DNAAF5: variants seen among roughly 807,000 people sequenced by gnomAD.
The protein encoded by DNAAF5 is HEAT repeat containing 2.
Under a neutral mutation model 75.8 loss-of-function variants are expected in DNAAF5, and 64 were observed. The observed-to-expected ratio is 0.84, with a 90% confidence interval of 0.69 to 1.04. The LOEUF (loss-of-function observed/expected upper bound fraction) is 1.04, where lower values mean the gene tolerates loss of function less well. DNAAF5 is among the 50% of genes least tolerant of loss of function. The pLI, the probability that DNAAF5 is intolerant of heterozygous loss-of-function variation, is 0.00. For missense variants in DNAAF5, 1,269 were observed against 1,178.5 expected (o/e 1.08, Z -1.12); for synonymous variants, 657 against 557.2 (o/e 1.18, Z -2.52).
intron 1 of DNAAF5, among the ~76,000 whole-genome samples, chr7:729,099 C>T (rs905226723): frequency 1.3e-5 from 2 of 150,184 alleles, no homozygotes; most frequent in African/African-American, 2.5e-5. Flanking sequence ...TGAGTTCAAG[C>T]GATTCTCCTG....
At chr7:762,003 A>AGGCCTCAAACATGTCTGACCG in intron 7 of DNAAF5, 107 bp downstream of exon 7, 1 of 62,372 alleles carries the variant, frequency 1.6e-5, no homozygotes, top group Non-Finnish European at 2.4e-5. Flanking sequence ...GTGCTTGACC[A>AGGCCTCAAACATGTCTGACCG]GCAAAGACCA....
chr7:746,549 C>G (rs1782117351), intron 4 of DNAAF5, among the ~76,000 whole-genome samples: 1 of 148,694 alleles, frequency 6.7e-6, no homozygotes, highest in Non-Finnish European at 1.5e-5. Flanking sequence ...TCCCTTTCCC[C>G]CGCCCGCCGT....
At position 741,335 on chromosome 7, in the gene DNAAF5, G is replaced by C. The variant is rs777824708; in HGVS notation, c.906-12G>C. ...TGCCCTGAGCCACTGTTGTCTGTCT[G>C]TTGTGCCTCAGGCAGCTGGCTGCCA... On this transcript the variant is annotated splice_polypyrimidine_tract_variant and intron_variant, in intron 3 of 12. Coordinates refer to ENST00000297440, the MANE Select transcript of DNAAF5 (RefSeq NM_017802.4). The C allele has an allele frequency of 6.3e-7, 1 of 1,580,964 alleles. No individual in the cohort carries two copies. The highest frequency in any genetic ancestry group is 1.3e-5 in the African/African-American group (1 of 74,620).
intron 1 of DNAAF5, 88 bp from the exon 2 acceptor site, chr7:729,575 A>T: frequency 7.8e-7 from 1 of 1,287,934 alleles, no homozygotes; most frequent in Non-Finnish European, 1.1e-6. Context: ...AGGAACTCAT[A>T]GGCAGGCAGC....
intron 1 of DNAAF5, among the ~76,000 whole-genome samples, chr7:728,105 A>G (rs1342347277): frequency 6.6e-6 from 1 of 152,080 alleles, no homozygotes; most frequent in Non-Finnish European, 1.5e-5. Flanking sequence ...CCTCCACTTT[A>G]TAACGTTCCC....
intron 11 of DNAAF5, among the ~76,000 whole-genome samples, chr7:777,218 C>T (rs1269693718): frequency 1.3e-5 from 2 of 152,130 alleles, no homozygotes; most frequent in African/African-American, 4.8e-5. Flanking sequence ...ACCATCTCAC[C>T]CCCTGGTCCA....
chr7:762,245 G>A (rs1397793282), intron 7 of DNAAF5, among the ~76,000 whole-genome samples: 1 of 152,196 alleles, frequency 6.6e-6, no homozygotes, highest in Non-Finnish European at 1.5e-5. Context: ...CAGCACTTTG[G>A]GAGGCCGAGG....
At chr7:728,411 G>C (rs1781439782) in intron 1 of DNAAF5, among the ~76,000 whole-genome samples, 2 of 152,204 alleles carry the variant, frequency 1.3e-5, no homozygotes, top group South Asian at 4.1e-4. Flanking sequence ...ATAGACCCGA[G>C]TTCAGGTTGT....
intron 2 of DNAAF5, among the ~76,000 whole-genome samples, chr7:735,602 C>G (rs986617284): frequency 6.6e-6 from 1 of 152,222 alleles, no homozygotes; most frequent in Non-Finnish European, 1.5e-5. Context: ...CTCACAGTCT[C>G]TAATGATGCT....
intron 4 of DNAAF5, among the ~76,000 whole-genome samples, chr7:751,932 C>T (rs1782309613): frequency 2.0e-5 from 3 of 151,986 alleles, no homozygotes; most frequent in Admixed American, 1.3e-4. Flanking sequence ...CTGTAGAAAT[C>T]GACAAACTGA....
At chr7:732,017 C>T (rs1781601609) in intron 2 of DNAAF5, among the ~76,000 whole-genome samples, 1 of 152,218 alleles carries the variant, frequency 6.6e-6, no homozygotes, top group South Asian at 2.1e-4. Context: ...TTCCAGCAGC[C>T]TGCTAGACTC....
At chr7:785,398 G>C in intron 12 of DNAAF5, 119 bp from the exon 13 acceptor site, 1 of 1,093,968 alleles carries the variant, frequency 9.1e-7, no homozygotes, top group Non-Finnish European at 1.4e-6. Context: ...AGCAGCGTCA[G>C]GTTATTTGCA....
chr7:731,064 A>G (rs1781548527), intron 2 of DNAAF5, among the ~76,000 whole-genome samples: 1 of 152,206 alleles, frequency 6.6e-6, no homozygotes, highest in South Asian at 2.1e-4. Context: ...GCAAGAACAG[A>G]GCCCAGCAAG....
intron 2 of DNAAF5, among the ~76,000 whole-genome samples, chr7:734,439 A>G (rs1241799857): frequency 6.6e-6 from 1 of 152,246 alleles, no homozygotes; most frequent in Non-Finnish European, 1.5e-5. Context: ...CATTCCTGGA[A>G]TAAATCTCAC....
At chr7:734,988 G>A (rs1308343093) in intron 2 of DNAAF5, among the ~76,000 whole-genome samples, 4 of 151,790 alleles carry the variant, frequency 2.6e-5, no homozygotes, top group South Asian at 4.2e-4. Flanking sequence ...TCACAGTGTC[G>A]CTGCTCACGA....
intron 2 of DNAAF5, among the ~76,000 whole-genome samples, chr7:739,367 C>A (rs1562377311): frequency 6.6e-6 from 1 of 152,192 alleles, no homozygotes; most frequent in Non-Finnish European, 1.5e-5. Flanking sequence ...TGGGCTGTCT[C>A]TGCTCGAGAC....
chr7:773,943 T>A, intron 9 of DNAAF5, 105 bp from the exon 10 acceptor site: 1 of 1,360,564 alleles, frequency 7.3e-7, no homozygotes, highest in Non-Finnish European at 1.0e-6. Context: ...GTCGAGTTCG[T>A]TTTCCTGTTT....
At chr7:778,163 C>T (rs935869383) in intron 11 of DNAAF5, 2 of 152,234 alleles carry the variant, frequency 1.3e-5, no homozygotes, top group Non-Finnish European at 2.9e-5. Flanking sequence ...TTCCCACTGA[C>T]TCTGGAACAA....
intron 4 of DNAAF5, among the ~76,000 whole-genome samples, chr7:746,629 C>T (rs1782121093): frequency 6.6e-6 from 1 of 151,628 alleles, no homozygotes; most frequent in South Asian, 2.1e-4. Flanking sequence ...CCTTACGGTC[C>T]TGCCACCCCC....
Sources: allele counts gnomAD v4.1 joint callset (sites outside exome capture counted in the v4.1 genomes callset), GRCh38; gene constraint gnomAD v4.1.1; transcripts MANE v1.5; gene names NCBI Gene and HGNC (gene_info 2026-07-23, HGNC 2026-07-21).